The following CFAP91 variants were observed in gnomAD, a reference collection of about 807,000 sequenced individuals.
The protein encoded by CFAP91 is cilia- and flagella-associated protein 91.
Under a neutral mutation model 95.9 loss-of-function variants are expected in CFAP91, and 85 were observed. That is an observed-to-expected ratio of 0.89 (90% CI 0.74 to 1.06). CFAP91 has a LOEUF of 1.06. CFAP91 is among the 50% of genes least tolerant of loss of function. The pLI, the probability that CFAP91 is intolerant of heterozygous loss-of-function variation, is 0.00. For missense variants in CFAP91, 962 were observed against 943.4 expected (o/e 1.02, Z -0.26); for synonymous variants, 335 against 327.5 (o/e 1.02, Z -0.25).
intron 13 of CFAP91, 72 bp from the exon 14 acceptor site, chr3:119,743,903 T>C: frequency 7.5e-7 from 1 of 1,337,488 alleles, no homozygotes; most frequent in Non-Finnish European, 1.0e-6. Context: ...TTTTGAGTAA[T>C]CCAGCACTTC....
intron 6 of CFAP91, among the ~76,000 whole-genome samples, chr3:119,723,104 T>C (rs1473793092): frequency 2.6e-5 from 4 of 152,030 alleles, no homozygotes; most frequent in Non-Finnish European, 4.4e-5. Flanking sequence ...GCAACAATAC[T>C]CCCACGAACT....
chr3:119,705,790 C>A (rs895293265), intron 1 of CFAP91, among the ~76,000 whole-genome samples: 10 of 152,170 alleles, frequency 6.6e-5, no homozygotes, highest in African/African-American at 1.9e-4. Context: ...TTCTAAGCAC[C>A]TAGATAGAGT....
At chr3:119,731,958 C>T (rs2053906889) in intron 8 of CFAP91, among the ~76,000 whole-genome samples, 1 of 152,208 alleles carries the variant, frequency 6.6e-6, no homozygotes, top group African/African-American at 2.4e-5. Flanking sequence ...CATGTATTTT[C>T]CAGTTGCTTT....
rs1287768174 is a variant in CFAP91 at position 119,708,798 on chromosome 3, C to T, written c.443+124C>T. The T allele has an allele frequency of 1.2e-5, 7 of 600,780 alleles. No homozygotes were observed. In the East Asian group the frequency reaches 2.1e-4, roughly 18 times the overall value. 37.2% of individuals were successfully genotyped at this position (600,780 alleles called of 1,614,324 possible). On this transcript the variant is annotated intron_variant, in intron 4 of 17. Coordinates refer to ENST00000273390, the MANE Select transcript of CFAP91 (RefSeq NM_033364.4). The stretch of plus-strand genomic sequence containing the variant: ...GCCAGACTCTATTTTAAGTGCTTTA[C>T]ATGCATATGATCTAATCGTTAAAAC...
chr3:119,715,115 CTCTT>C (rs2053548257), intron 5 of CFAP91, among the ~76,000 whole-genome samples: 1 of 152,168 alleles, frequency 6.6e-6, no homozygotes, highest in East Asian at 1.9e-4. Context: ...CTTTTTCTCT[CTCTT>C]TCTTTCAGCA....
chr3:119,740,614 A>G lies in CFAP91; in HGVS notation c.1599A>G (p.Gln533=), dbSNP rs373783041. Residue 533 remains glutamine (Q), a synonymous_variant, in exon 13 of 18, where the codon CAA becomes CAG. Coordinates refer to ENST00000273390, the MANE Select transcript of CFAP91 (RefSeq NM_033364.4). ...IQELRTCHAL[Q]EDEKLVKKAE... ...AGTTGCGCACCTGCCACGCACTACAAGAAGATGAAAAGCTGGTGAAAAAAG... is the reference window on the plus strand; with the variant it reads ...AGTTGCGCACCTGCCACGCACTACAGGAAGATGAAAAGCTGGTGAAAAAAG... The G allele has an allele frequency of 4.4e-5, 71 of 1,614,116 alleles. No individual in the cohort carries two copies. Among genetic ancestry groups the G allele is most frequent in the Non-Finnish European group, 5.7e-5 (67 of 1,180,046 alleles).
chr3:119,751,196 T>C, intron 17 of CFAP91, 98 bp downstream of exon 17: 1 of 1,352,828 alleles, frequency 7.4e-7, no homozygotes. Flanking sequence ...ATGTGAAGAT[T>C]GCTGTTTAAG....
chr3:119,739,494 ATGGCATCATTTGTCC>A (rs2054076238), intron 12 of CFAP91, 168 bp downstream of exon 12: 1 of 594,104 alleles, frequency 1.7e-6, no homozygotes, highest in Non-Finnish European at 3.0e-6. Context: ...TTTCCTTCTA[ATGGCATCATTTGTCC>A]AGGTGGGTGG....
At chr3:119,764,536 G>A (rs2054595882) in intron 17 of CFAP91, among the ~76,000 whole-genome samples, 1 of 152,042 alleles carries the variant, frequency 6.6e-6, no homozygotes, top group African/African-American at 2.4e-5. Flanking sequence ...TCTGTTTATG[G>A]TCCAGTAATA....
chr3:119,719,789 T>C (rs2053647104), intron 6 of CFAP91, among the ~76,000 whole-genome samples: 3 of 152,156 alleles, frequency 2.0e-5, no homozygotes, highest in Non-Finnish European at 2.9e-5. Flanking sequence ...GTGCTATGAA[T>C]ATCTTTTGCC....
chr3:119,748,864 C>T (rs1358669076), intron 16 of CFAP91, among the ~76,000 whole-genome samples: 3 of 152,118 alleles, frequency 2.0e-5, no homozygotes, highest in Non-Finnish European at 2.9e-5. Context: ...ACATTCTTAA[C>T]AGTGCAATTG....
chr3:119,756,906 A>G (rs759036740), intron 17 of CFAP91, among the ~76,000 whole-genome samples: 4 of 152,234 alleles, frequency 2.6e-5, no homozygotes, highest in Non-Finnish European at 5.9e-5. Flanking sequence ...AAATTTTATC[A>G]CTGACTACAT....
chr3:119,737,712 C>A (rs2054037970), intron 11 of CFAP91, among the ~76,000 whole-genome samples: 1 of 152,166 alleles, frequency 6.6e-6, no homozygotes, highest in South Asian at 2.1e-4. Flanking sequence ...TTTAAAAAAT[C>A]TTTCCATGAA....
At chr3:119,748,889 A>G (rs2054273189) in intron 16 of CFAP91, among the ~76,000 whole-genome samples, 2 of 152,192 alleles carry the variant, frequency 1.3e-5, no homozygotes, top group Non-Finnish European at 2.9e-5. Flanking sequence ...GATATAAGGT[A>G]TATGTATTTT....
intron 5 of CFAP91, among the ~76,000 whole-genome samples, chr3:119,714,433 A>G (rs964033377): frequency 2.0e-5 from 3 of 151,734 alleles, no homozygotes; most frequent in Non-Finnish European, 2.9e-5. Context: ...AATTTGGTGT[A>G]CCTATTTGTA....
intron 17 of CFAP91, among the ~76,000 whole-genome samples, chr3:119,751,405 A>G (rs563253960): frequency 3.9e-5 from 6 of 152,176 alleles, no homozygotes; most frequent in Non-Finnish European, 7.4e-5. Flanking sequence ...TCAGTGTTAC[A>G]TATAAACAAT....
intron 6 of CFAP91, among the ~76,000 whole-genome samples, chr3:119,716,849 C>T (rs1043204836): frequency 1.3e-5 from 2 of 152,172 alleles, no homozygotes; most frequent in African/African-American, 4.8e-5. Flanking sequence ...CTCAGCCTCC[C>T]AAAGTGCTGG....
At chr3:119,738,041 T>G (rs1232906428) in intron 11 of CFAP91, among the ~76,000 whole-genome samples, 2 of 152,192 alleles carry the variant, frequency 1.3e-5, no homozygotes, top group African/African-American at 4.8e-5. Context: ...ATTTATTACT[T>G]TACAGAGAGA....
rs1226604987 is a variant in CFAP91 at position 119,747,182 on chromosome 3, A to G, written c.1970A>G (p.Asn657Ser). 17 of 1,613,922 alleles carry G rather than the reference A, an allele frequency of 1.1e-5. No individual in the cohort carries two copies. Among genetic ancestry groups the G allele is most frequent in the Non-Finnish European group, 1.4e-5 (16 of 1,179,868 alleles). ...LEDIILNTEA[N>S]TAEEQARAEI... is the part of the protein sequence containing the mutation. Reference sequence around the variant, plus strand: ...GACATAATACTGAATACCGAAGCGAATACTGCAGAAGAACAAGCCAGGGCA... The same window carrying G: ...GACATAATACTGAATACCGAAGCGAGTACTGCAGAAGAACAAGCCAGGGCA... The change falls in exon 15 of 18, where the codon AAT becomes AGT. Residue 657 changes from asparagine (N) to serine (S), a missense_variant. By Grantham distance (46) the Asn-to-Ser change is conservative. Coordinates refer to ENST00000273390, the MANE Select transcript of CFAP91 (RefSeq NM_033364.4).
Sources: allele counts gnomAD v4.1 joint callset (sites outside exome capture counted in the v4.1 genomes callset), GRCh38; gene constraint gnomAD v4.1.1; transcripts MANE v1.5; gene names NCBI Gene and HGNC (gene_info 2026-07-23, HGNC 2026-07-21).